ERG: variants seen among roughly 807,000 people sequenced by gnomAD.
The protein encoded by ERG is transcriptional regulator ERG.
In ERG, 9 loss-of-function variants were observed where a neutral mutation model predicts 55.3. The observed-to-expected ratio is 0.16, with a 90% CI of 0.10 to 0.28. The LOEUF is 0.28. Among genes scored for constraint, ERG ranks in the 10% least tolerant of loss-of-function variants. ERG has a pLI of 1.00. For missense variants in ERG, 434 were observed against 631.6 expected (o/e 0.69, Z 3.35); for synonymous variants, 223 against 237.3 (o/e 0.94, Z 0.55).
chr21:38,573,948 C>A (rs1427116089), intron 2 of ERG, among the ~76,000 whole-genome samples: 1 of 152,208 alleles, frequency 6.6e-6, no homozygotes, highest in Non-Finnish European at 1.5e-5. Context: ...AACGTTTCTA[C>A]CAACACACAT....
rs79816778 is a variant in ERG, at chr21:38,412,818, T to C, written c.389-9109A>G. Among the ~76,000 whole-genome samples, 912 of 152,310 alleles carry C rather than the reference T, an allele frequency of 6.0e-3. 10 individuals are homozygous for C. The highest frequency in any genetic ancestry group is 0.021 in the African/African-American group (876 of 41,560). On this transcript the variant is annotated intron_variant, in intron 3 of 9. Transcript: ENST00000288319. ...GTTGGGGGAGATCTCTCTTCAGCTA[T>C]TTTTTTGTAATTTGCGGGTGGCAGA...
chr21:38,661,430 G>A (rs2060555863), intron 1 of ERG, among the ~76,000 whole-genome samples: 1 of 152,204 alleles, frequency 6.6e-6, no homozygotes, highest in Admixed American at 6.5e-5. Context: ...CGGTCGTGGG[G>A]AGGAGCCGGA....
intron 1 of ERG, among the ~76,000 whole-genome samples, chr21:38,651,314 G>C (rs1259909195): frequency 2.0e-5 from 3 of 152,172 alleles, no homozygotes; most frequent in Non-Finnish European, 4.4e-5. Flanking sequence ...CTGTGGCCAA[G>C]AGACATAATA....
intron 6 of ERG, among the ~76,000 whole-genome samples, chr21:38,398,051 C>A (rs1449390342): frequency 2.0e-5 from 3 of 152,132 alleles, no homozygotes; most frequent in Non-Finnish European, 4.4e-5. Context: ...GGGTCTGTAT[C>A]CCCAAGGACC....
chr21:38,434,824 C>T lies in ERG; in HGVS notation c.236+10580G>A, dbSNP rs531700559. Among the ~76,000 whole-genome samples, 11 of 152,332 alleles carry T rather than the reference C, an allele frequency of 7.2e-5. No homozygotes were observed. The South Asian group carries it at 1.0e-3, about 14-fold the overall frequency. ...TTAACACAGCAACATACTGCATGTGCATGGCTGTGCATGCGTGTATGTGGG... is the reference window on the plus strand; with the variant it reads ...TTAACACAGCAACATACTGCATGTGTATGGCTGTGCATGCGTGTATGTGGG... On this transcript the variant is annotated intron_variant, in intron 2 of 9. Transcript: ENST00000288319.
intron 2 of ERG, among the ~76,000 whole-genome samples, chr21:38,536,018 A>G (rs2059707157): frequency 6.6e-6 from 1 of 152,040 alleles, no homozygotes; most frequent in East Asian, 1.9e-4. Context: ...TCTGGACCCA[A>G]TCTTGGGTTA....
At chr21:38,529,303 C>A (rs1469037418) in intron 2 of ERG, among the ~76,000 whole-genome samples, 1 of 152,130 alleles carries the variant, frequency 6.6e-6, no homozygotes, top group Admixed American at 6.5e-5. Flanking sequence ...GGAGGGGTGA[C>A]TTCAGTCTCC....
At chr21:38,464,481 ATT>A (rs2059070975) in intron 1 of ERG, among the ~76,000 whole-genome samples, 1 of 152,196 alleles carries the variant, frequency 6.6e-6, no homozygotes, top group Admixed American at 6.5e-5. Context: ...CATTTATTTT[ATT>A]GTCTAAATTC....
intron 1 of ERG, among the ~76,000 whole-genome samples, chr21:38,578,630 T>C (rs995491928): frequency 6.6e-6 from 1 of 151,850 alleles, no homozygotes; most frequent in Non-Finnish European, 1.5e-5. Flanking sequence ...GGATGAGAGG[T>C]ACCTGAGGCA....
chr21:38,638,190 A>G (rs1223472091), intron 1 of ERG, among the ~76,000 whole-genome samples: 2 of 152,218 alleles, frequency 1.3e-5, no homozygotes, highest in Non-Finnish European at 2.9e-5. Context: ...GACCTTGAGC[A>G]AGTCACTCCA....
rs1987386606 is a variant in ERG at position 38,380,684 on chromosome 21, G to A, written c.*2719C>T. 2 of 1,064,776 alleles carry A rather than the reference G, an allele frequency of 1.9e-6. No individual in the cohort carries two copies. Among genetic ancestry groups the A allele is most frequent in the South Asian group, 4.6e-5 (1 of 21,974 alleles). 66.0% of individuals were successfully genotyped at this position (1,064,776 alleles called of 1,614,324 possible). On this transcript the variant is annotated 3_prime_UTR_variant, in exon 10 of 10. Coordinates refer to ENST00000288319, the MANE Select transcript of ERG (RefSeq NM_182918.4). ...ACAATTTAAGAATTATGTATTTGAA[G>A]GAACTCAGTATTATCATGTTATCCA...
intron 1 of ERG, among the ~76,000 whole-genome samples, chr21:38,610,573 C>T (rs562763448): frequency 1.5e-3 from 230 of 152,282 alleles, no homozygotes; most frequent in Admixed American, 3.4e-3. Flanking sequence ...GCTTGAATTC[C>T]TCAAAGTCTC....
In ERG at chr21:38,633,016, A is replaced by G. The variant is rs569188880; in HGVS notation, c.-150+28642T>C. ...GATGGATGAATAAATGAAATTTAGA[A>G]TATACATACCATGGAATATTATTCA... On this transcript the variant is annotated intron_variant, in intron 1 of 10. Transcript: ENST00000398910. 4.7e-3 allele frequency among the ~76,000 whole-genome samples: 712 copies of G among 152,382 alleles called. 5 individuals are homozygous for G. The highest frequency in any genetic ancestry group is 0.016 in the African/African-American group (685 of 41,598).
chr21:38,600,069 G>A (rs550869933), intron 1 of ERG, among the ~76,000 whole-genome samples: 1 of 152,348 alleles, frequency 6.6e-6, no homozygotes, highest in East Asian at 1.9e-4. Context: ...AAGGCACGAG[G>A]TTGGTGACAG....
chr21:38,380,467 A>T lies in ERG; in HGVS notation c.*2936T>A. 9.4e-7 allele frequency: 1 copy of T among 1,064,878 alleles called. No individual in the cohort carries two copies. The highest frequency in any genetic ancestry group is 1.1e-6 in the Non-Finnish European group (1 of 879,006). 66.0% of individuals were successfully genotyped at this position (1,064,878 alleles called of 1,614,324 possible). The stretch of plus-strand genomic sequence containing the variant: ...TTACCACATACAAGGCCCGAAAGCC[A>T]ATTGAAGACAAGAAAAGAAGACAAA... On this transcript the variant is annotated 3_prime_UTR_variant, in exon 10 of 10. Transcript: ENST00000288319.
chr21:38,610,760 A>G (rs2060222157), intron 1 of ERG, among the ~76,000 whole-genome samples: 1 of 152,082 alleles, frequency 6.6e-6, no homozygotes, highest in Non-Finnish European at 1.5e-5. Context: ...CATCTTGGCC[A>G]CCTCTAATGC....
chr21:38,461,059 C>T (rs745683377), intron 1 of ERG, among the ~76,000 whole-genome samples: 2 of 152,158 alleles, frequency 1.3e-5, no homozygotes, highest in Admixed American at 6.5e-5. Context: ...TTTCAATATT[C>T]GATACATAGT....
At chr21:38,610,517 G>A (rs576309113) in intron 1 of ERG, among the ~76,000 whole-genome samples, 15 of 127,700 alleles carry the variant, frequency 1.2e-4, no homozygotes, top group East Asian at 5.3e-4. Context: ...GTCCACGTGC[G>A]CGCACGCGCG....
chr21:38,622,098 C>A (rs1003478138), intron 1 of ERG, among the ~76,000 whole-genome samples: 1 of 152,222 alleles, frequency 6.6e-6, no homozygotes, highest in Non-Finnish European at 1.5e-5. Flanking sequence ...AAGGTGACCA[C>A]GTGCTGTCAG....
Sources: allele counts gnomAD v4.1 joint callset (sites outside exome capture counted in the v4.1 genomes callset), GRCh38; gene constraint gnomAD v4.1.1; transcripts MANE v1.5; gene names NCBI Gene and HGNC (gene_info 2026-07-23, HGNC 2026-07-21).